Variants in COG6 observed in about 807,000 individuals in gnomAD.
The protein encoded by COG6 is conserved oligomeric Golgi complex subunit 6.
Under a neutral mutation model 88.8 loss-of-function variants are expected in COG6, and 74 were observed. The ratio of observed to expected loss-of-function variants is 0.83; its 90% CI spans 0.69 to 1.01. The LOEUF is 1.01. COG6 is among the 50% of genes least tolerant of loss of function. The probability of loss-of-function intolerance (pLI) is 0.00; values close to 1 mark genes in which losing one functional copy is unlikely to be tolerated. For missense variants in COG6, 800 were observed against 797.9 expected (o/e 1.00, Z -0.03); for synonymous variants, 286 against 278.7 (o/e 1.03, Z -0.26).
At position 39,694,642 on chromosome 13, in the gene COG6, TGAGCAAG is replaced by T; in HGVS notation, c.1084_1090del (p.Glu362Ter). On this transcript the variant is annotated frameshift_variant, in exon 12 of 19. Coordinates refer to ENST00000455146, the MANE Select transcript of COG6 (RefSeq NM_020751.3). LOFTEE classifies it high-confidence loss of function. ...CTCACATATTTTAATAGGTTCGAAT[TGAGCAAG>T]TAATAGTTGCTGAACCTGGGGCAGT... is the stretch of plus-strand genomic sequence containing the variant. 6.3e-7 allele frequency: 1 copy of T among 1,590,072 alleles called. No individual in the cohort carries two copies. Among genetic ancestry groups the T allele is most frequent in the Non-Finnish European group, 8.6e-7 (1 of 1,160,078 alleles).
rs1296079471 is a variant in COG6, at chr13:39,751,747, A to C, written c.*654A>C. On this transcript the variant is annotated 3_prime_UTR_variant, in exon 19 of 19. Transcript: ENST00000455146. The stretch of plus-strand genomic sequence containing the variant: ...GTATACACTCAGCAATAATTAGAAA[A>C]AAAGGAGAGAGAAAAGTGATTTAAA... The C allele has an allele frequency of 7.8e-7, 1 of 1,287,098 alleles. No individual in the cohort carries two copies. Among genetic ancestry groups the C allele is most frequent in the Non-Finnish European group, 1.0e-6 (1 of 988,606 alleles). The allele number at this position is 1,287,098 out of a possible 1,614,324, so 79.7% of individuals were successfully genotyped here. A position where few individuals can be genotyped will look rare whatever the true frequency, so the allele number is the denominator to read the frequency against.
At chr13:39,672,125 G>A (rs1442961844) in intron 4 of COG6, among the ~76,000 whole-genome samples, 2 of 151,994 alleles carry the variant, frequency 1.3e-5, no homozygotes, top group Non-Finnish European at 2.9e-5. Context: ...AATAGCAAGT[G>A]TGCATATATA....
At position 39,694,647 on chromosome 13, in the gene COG6, A is replaced by G. The variant is rs775830230; in HGVS notation, c.1088A>G (p.Gln363Arg). Residue 363 changes from glutamine (Q) to arginine (R), a missense_variant, in exon 12 of 19, where the codon CAA becomes CGA. By Grantham distance (43) the Gln-to-Arg change is conservative. Coordinates refer to ENST00000455146, the MANE Select transcript of COG6 (RefSeq NM_020751.3). ...ATATTTTAATAGGTTCGAATTGAGCAAGTAATAGTTGCTGAACCTGGGGCA... is the reference window on the plus strand; with the variant it reads ...ATATTTTAATAGGTTCGAATTGAGCGAGTAATAGTTGCTGAACCTGGGGCA... Reference protein sequence around the residue: ...VCRPLKVRIEQVIVAEPGAVL... With the variant: ...VCRPLKVRIERVIVAEPGAVL... 1.9e-6 allele frequency: 3 copies of G among 1,593,304 alleles called. No individual in the cohort carries two copies. The highest frequency in any genetic ancestry group is 2.6e-6 in the Non-Finnish European group (3 of 1,162,950).
intron 13 of COG6, among the ~76,000 whole-genome samples, chr13:39,704,371 C>T (rs1039085162): frequency 1.3e-5 from 2 of 152,062 alleles, no homozygotes; most frequent in Non-Finnish European, 2.9e-5. Flanking sequence ...AAGCAGTCAA[C>T]TCATTTTTTG....
chr13:39,696,236 T>C (rs1304274025), intron 12 of COG6, among the ~76,000 whole-genome samples: 1 of 152,008 alleles, frequency 6.6e-6, no homozygotes, highest in Admixed American at 6.6e-5. Flanking sequence ...GTTGACTGTA[T>C]ACTTGTCATT....
chr13:39,739,540 TA>T (rs1269570456), intron 18 of COG6, among the ~76,000 whole-genome samples: 1 of 151,996 alleles, frequency 6.6e-6, no homozygotes, highest in African/African-American at 2.4e-5. Flanking sequence ...AAAAATCATT[TA>T]AAAAAATCAA....
At chr13:39,727,420 G>T (rs748769669) in intron 17 of COG6, 49 bp from the exon 18 acceptor site, 8 of 1,347,598 alleles carry the variant, frequency 5.9e-6, no homozygotes, top group Non-Finnish European at 8.5e-6. Context: ...TGAGTTGTTT[G>T]TTAGCACATA....
intron 18 of COG6, among the ~76,000 whole-genome samples, chr13:39,774,064 C>T (rs1216988425): frequency 2.5e-4 from 38 of 152,126 alleles, no homozygotes; most frequent in Admixed American, 2.0e-3. Flanking sequence ...AGGAAATGAC[C>T]GGCTGACTGC....
intron 18 of COG6, among the ~76,000 whole-genome samples, chr13:39,767,259 G>T (rs1272749691): frequency 6.6e-6 from 1 of 152,178 alleles, no homozygotes; most frequent in South Asian, 2.1e-4. Context: ...ATGTGTGAGG[G>T]TTTTGAGACA....
At chr13:39,748,482 G>A (rs1490450493) in intron 18 of COG6, among the ~76,000 whole-genome samples, 1 of 152,014 alleles carries the variant, frequency 6.6e-6, no homozygotes, top group Non-Finnish European at 1.5e-5. Context: ...AGGCATGGTG[G>A]TGCATGCCTG....
intron 13 of COG6, among the ~76,000 whole-genome samples, chr13:39,717,190 A>G (rs1878570451): frequency 6.6e-6 from 1 of 152,118 alleles, no homozygotes; most frequent in Non-Finnish European, 1.5e-5. Context: ...GAAATCAGCT[A>G]TTGATCTTGT....
downstream of COG6, among the ~76,000 whole-genome samples, chr13:39,754,621 T>C (rs545110513): frequency 3.3e-5 from 5 of 152,344 alleles, no homozygotes; most frequent in South Asian, 1.0e-3. Context: ...TTGCTTGGCA[T>C]AGGGCCTGGG....
chr13:39,678,396 A>T (rs1261083275), intron 5 of COG6, among the ~76,000 whole-genome samples: 1 of 152,114 alleles, frequency 6.6e-6, no homozygotes. Flanking sequence ...TTTTCATTAC[A>T]GTGACATTAC....
Position 39,655,716 on chromosome 13 carries a change from C to A in COG6, c.-11C>A, listed in dbSNP as rs749201874. 2 of 1,586,196 alleles carry A rather than the reference C, an allele frequency of 1.3e-6. No homozygotes were observed. The highest frequency in any genetic ancestry group is 1.7e-6 in the Non-Finnish European group (2 of 1,165,378). ...GCTGAGGTGGCAGCAGGGGGCGGGA[C>A]GCGCAGCGCTATGGCAGAGGGCAGC... On this transcript the variant is annotated 5_prime_UTR_variant, in exon 1 of 19. Transcript: ENST00000455146.
At chr13:39,679,650 T>C in intron 6 of COG6, 30 bp downstream of exon 6, 1 of 1,354,850 alleles carries the variant, frequency 7.4e-7, no homozygotes, top group Non-Finnish European at 1.1e-6. Flanking sequence ...ACTAATTGCA[T>C]TGCTGCTTAT....
At chr13:39,698,862 T>C (rs752881226) in intron 12 of COG6, among the ~76,000 whole-genome samples, 8 of 151,752 alleles carry the variant, frequency 5.3e-5, no homozygotes, top group Admixed American at 1.3e-4. Flanking sequence ...TTGTCTTAGA[T>C]CTTGGCAAAA....
intron 18 of COG6, among the ~76,000 whole-genome samples, chr13:39,762,793 A>T: frequency 7.4e-6 from 1 of 135,920 alleles, no homozygotes. Context: ...AAGCCTATGT[A>T]CCCTTTATTT....
intron 13 of COG6, among the ~76,000 whole-genome samples, chr13:39,705,897 G>T (rs958051174): frequency 2.3e-4 from 35 of 152,024 alleles, no homozygotes; most frequent in Middle Eastern, 3.4e-3. Context: ...GAGAGGTGCT[G>T]TTCTGGTTGA....
At chr13:39,710,191 C>T (rs964738060) in intron 13 of COG6, among the ~76,000 whole-genome samples, 4 of 152,112 alleles carry the variant, frequency 2.6e-5, no homozygotes, top group African/African-American at 9.7e-5. Context: ...TCATAGTGTT[C>T]AGGCCTTGCA....
Sources: gnomAD v4.1 joint callset for allele counts (sites outside exome capture counted in the v4.1 genomes callset) on GRCh38, gnomAD v4.1.1 for gene constraint, MANE v1.5 for transcripts, NCBI Gene and HGNC (gene_info 2026-07-23, HGNC 2026-07-21) for gene names.